The following ACADVL variants were observed in gnomAD, a reference collection of about 807,000 sequenced individuals.
ACADVL encodes the protein acyl-CoA dehydrogenase very long chain.
Under a neutral mutation model 80.4 loss-of-function variants are expected in ACADVL, and 73 were observed. The ratio of observed to expected loss-of-function variants is 0.91; its 90% CI spans 0.75 to 1.10. ACADVL has a LOEUF of 1.10. Among genes scored for constraint, ACADVL ranks in the 50% least tolerant of loss-of-function variants. The pLI is 0.00. For synonymous variants in ACADVL, 392 were observed against 326.5 expected, an observed-to-expected ratio of 1.20 and a Z score of -2.16; for missense variants, 878 against 858.9, an observed-to-expected ratio of 1.02 and a Z score of -0.28.
At position 7,225,146 on chromosome 17, in the gene ACADVL, A is replaced by G. The variant is rs369277243; in HGVS notation, c.*49A>G. On this transcript the variant is annotated 3_prime_UTR_variant, in exon 20 of 20. Coordinates refer to ENST00000356839, the MANE Select transcript of ACADVL (RefSeq NM_000018.4). The stretch of plus-strand genomic sequence containing the variant: ...CAGTTATGTGCCTTCCCTCAAGCCA[A>G]AGCCGAAGCCCCTTTCCTTAAGGCC... 2.1e-5 allele frequency: 34 copies of G among 1,612,672 alleles called. No individual in the cohort carries two copies. The Middle Eastern group carries it at 5.1e-4, about 24-fold the overall frequency.
upstream of ACADVL, chr17:7,218,336 T>A (rs867936823): frequency 6.4e-7 from 1 of 1,554,520 alleles, no homozygotes; most frequent in Middle Eastern, 1.7e-4. Context: ...TCCAGGCACA[T>A]CACCCCTGTC....
At chr17:7,222,435 T>C (rs1352724227) in intron 9 of ACADVL, 133 bp downstream of exon 9, 11 of 1,370,492 alleles carry the variant, frequency 8.0e-6, no homozygotes, top group Non-Finnish European at 1.1e-5. Flanking sequence ...CCTTTGGGAC[T>C]AATATGTATG....
chr17:7,221,612 C>A lies in ACADVL; in HGVS notation c.552C>A (p.Ile184=), dbSNP rs770961747. 3 of 1,614,082 alleles carry A rather than the reference C, an allele frequency of 1.9e-6. No homozygotes were observed. Among genetic ancestry groups the A allele is most frequent in the Non-Finnish European group, 2.5e-6 (3 of 1,180,032 alleles). The change falls in exon 7 of 20, where the codon ATC becomes ATA. Residue 184 remains isoleucine (I), a synonymous_variant. Coordinates refer to ENST00000356839, the MANE Select transcript of ACADVL (RefSeq NM_000018.4). ...TTACCCTGGGGGCCCATCAGAGCAT[C>A]GGTTTCAAAGGCATCCTGCTCTTTG... ...VGITLGAHQS[I]GFKGILLFGT... is the part of the protein sequence containing the mutation.
At position 7,222,744 on chromosome 17, in the gene ACADVL, C is replaced by A. The variant is rs149467828; in HGVS notation, c.956C>A (p.Ser319Ter). Reference protein sequence around the residue: ...EVFFDGVRVPSENVLGEVGSG... With the variant: ...EVFFDGVRVP ...TTCTTTGATGGAGTACGGGTGCCAT[C>A]GGAGAACGTGCTGGGTGAGGTTGGG... is the stretch of plus-strand genomic sequence containing the variant. Residue 319 changes from serine to a stop codon, truncating the protein, a stop_gained, in exon 10 of 20, where the codon TCG (serine) becomes TAG (stop). Coordinates refer to ENST00000356839, the MANE Select transcript of ACADVL (RefSeq NM_000018.4). LOFTEE classifies it high-confidence loss of function. 5 of 1,613,990 alleles carry A rather than the reference C, an allele frequency of 3.1e-6. No homozygotes were observed. The highest frequency in any genetic ancestry group is 2.7e-5 in the African/African-American group (2 of 74,892).
In ACADVL at chr17:7,224,893, C is replaced by T. The variant is rs372630480; in HGVS notation, c.1827+9C>T. The T allele has an allele frequency of 1.7e-5, 28 of 1,614,022 alleles. No homozygotes were observed. Among genetic ancestry groups the T allele is most frequent in the South Asian group, 1.3e-4 (12 of 91,084 alleles). ...ACACCTGGTGTATCGAGGTGAGACT[C>T]GGGGCTGCCAAGCTCAGGTGAGGGC... On this transcript the variant is annotated intron_variant, in intron 19 of 19. Transcript: ENST00000356839.
rs1453818885 is a variant in ACADVL at position 7,224,383 on chromosome 17, G to T, written c.1595G>T (p.Ser532Ile). The T allele has an allele frequency of 6.2e-7, 1 of 1,613,862 alleles. No homozygotes were observed. The highest frequency in any genetic ancestry group is 8.5e-7 in the Non-Finnish European group (1 of 1,179,912). The change falls in exon 16 of 20, where the codon AGT (serine) becomes ATT (isoleucine). Residue 532 changes from serine to isoleucine, a missense_variant. Coordinates refer to ENST00000356839, the MANE Select transcript of ACADVL (RefSeq NM_000018.4). ...SGLVHPELSR[S>I]GELAVRALEQ... ...CTTGTCCACCCGGAGTTGAGTCGGA[G>T]TGGCGAGCTGGTAAGTGGCCAGGGG...
chr17:7,218,601 G>A (rs769810773), upstream of ACADVL: 21 of 1,566,420 alleles, frequency 1.3e-5, no homozygotes, highest in Non-Finnish European at 1.6e-5. Context: ...GCCCACCGCA[G>A]CAGTGGGGGT....
At chr17:7,217,641 G>C, upstream of ACADVL, 1 of 1,348,922 alleles carries the variant, frequency 7.4e-7, no homozygotes, top group East Asian at 2.7e-5. Context: ...GAGGAAGCAG[G>C]GGGAGGGAGG....
At chr17:7,224,285 T>C (rs1233706353) in intron 15 of ACADVL, 36 bp from the exon 16 acceptor site, 3 of 1,613,508 alleles carry the variant, frequency 1.9e-6, no homozygotes, top group Admixed American at 3.3e-5. Flanking sequence ...GGGTGGTGTA[T>C]GGCAACTAAC....
At chr17:7,223,309 C>G (rs1340228066) in intron 11 of ACADVL, 72 bp downstream of exon 11, 3 of 1,385,122 alleles carry the variant, frequency 2.2e-6, no homozygotes, top group Non-Finnish European at 3.1e-6. Context: ...CTACAACCCC[C>G]AGCAGCACCT....
chr17:7,223,391 C>CG (rs758601621), intron 11 of ACADVL, 154 bp downstream of exon 11: 2 of 845,546 alleles, frequency 2.4e-6, no homozygotes, highest in Admixed American at 3.6e-5. Context: ...TCAGCTTCTG[C>CG]GAAGAGAGAC....
chr17:7,225,172 C>T lies in ACADVL; in HGVS notation c.*75C>T. Reference sequence around the variant, plus strand: ...AGCCGAAGCCCCTTTCCTTAAGGCCCTGGTTTGTCCCGAAGGGGCCTAGTG... The same window carrying T: ...AGCCGAAGCCCCTTTCCTTAAGGCCTTGGTTTGTCCCGAAGGGGCCTAGTG... On this transcript the variant is annotated 3_prime_UTR_variant, in exon 20 of 20. Coordinates refer to ENST00000356839, the MANE Select transcript of ACADVL (RefSeq NM_000018.4). The T allele has an allele frequency of 6.2e-7, 1 of 1,604,086 alleles. No individual in the cohort carries two copies. Among genetic ancestry groups the T allele is most frequent in the Non-Finnish European group, 8.5e-7 (1 of 1,175,158 alleles).
upstream of ACADVL, chr17:7,219,836 C>T (rs1415718969): frequency 4.6e-6 from 7 of 1,537,506 alleles, no homozygotes; most frequent in Non-Finnish European, 6.1e-6. Context: ...CAGGGAACTA[C>T]AGCTCCCAGC....
chr17:7,224,545 G>A lies in ACADVL; in HGVS notation c.1671G>A (p.Gly557=). ...CCAAGCTGATAAAACACAAGAAGGG[G>A]ATTGTCAGTAAGTGAGCTCTACACC... The part of the protein sequence containing the change: ...VEAKLIKHKK[G]IVNEQFLLQR... The change falls in exon 17 of 20, where the codon GGG becomes GGA. Residue 557 remains glycine, a synonymous_variant. Transcript: ENST00000356839. 2 of 1,608,054 alleles carry A rather than the reference G, an allele frequency of 1.2e-6. No homozygotes were observed. The highest frequency in any genetic ancestry group is 1.7e-6 in the Non-Finnish European group (2 of 1,178,426).
chr17:7,224,071 T>G lies in ACADVL; in HGVS notation c.1434+2T>G, dbSNP rs1555528804. 1 of 1,614,024 alleles carries G rather than the reference T, an allele frequency of 6.2e-7. No homozygotes were observed. Among genetic ancestry groups the G allele is most frequent in the Non-Finnish European group, 8.5e-7 (1 of 1,179,958 alleles). The stretch of plus-strand genomic sequence containing the variant: ...TTTGTGGCTCTGCAGGGCTGTATGG[T>G]AAGACAGAGAATTGGGTGGGGGTAG... On this transcript the variant is annotated splice_donor_variant, in intron 14 of 19. Coordinates refer to ENST00000356839, the MANE Select transcript of ACADVL (RefSeq NM_000018.4). LOFTEE classifies it high-confidence loss of function.
At position 7,223,860 on chromosome 17, in the gene ACADVL, T is replaced by A. The variant is rs2142985210; in HGVS notation, c.1317T>A (p.Gly439=). 1.2e-6 allele frequency: 2 copies of A among 1,613,276 alleles called. No homozygotes were observed. Among genetic ancestry groups the A allele is most frequent in the Non-Finnish European group, 1.7e-6 (2 of 1,179,840 alleles). The change falls in exon 13 of 20, where the codon GGT becomes GGA. Residue 439 remains glycine (G), a synonymous_variant. Coordinates refer to ENST00000356839, the MANE Select transcript of ACADVL (RefSeq NM_000018.4). ...VTDECIQIMG[G]MGFMKEPGVE... is the part of the protein sequence containing the mutation. ...ATGAATGCATCCAAATCATGGGGGG[T>A]ATGGGCTTCATGAAGGTACAGGACG...
chr17:7,218,985 G>A, upstream of ACADVL: 1 of 882,522 alleles, frequency 1.1e-6, no homozygotes, highest in Non-Finnish European at 1.8e-6. Context: ...AGGTCCCAAG[G>A]CACCAGCACC....
rs2071314177 is a variant in ACADVL at position 7,223,188 on chromosome 17, T to C, written c.1133T>C (p.Leu378Pro). 1 of 1,614,048 alleles carries C rather than the reference T, an allele frequency of 6.2e-7. No homozygotes were observed. The highest frequency in any genetic ancestry group is 1.3e-5 in the African/African-American group (1 of 74,944). Residue 378 changes from leucine (L) to proline (P), a missense_variant, in exon 11 of 20, where the codon CTG (leucine) becomes CCG (proline). By Grantham distance (98) the Leu-to-Pro change is moderately conservative. Coordinates refer to ENST00000356839, the MANE Select transcript of ACADVL (RefSeq NM_000018.4). Reference protein sequence around the residue: ...QFGEKIHNFGLIQEKLARMVM... With the variant: ...QFGEKIHNFGPIQEKLARMVM... ...GGGGAGAAAATTCACAACTTTGGGC[T>C]GATCCAGGAGAAGCTGGCACGGATG...
rs77763289 is a variant in ACADVL, at chr17:7,222,022, T to A, written c.693T>A (p.Ser231=). 1.3e-3 allele frequency: 2,053 copies of A among 1,614,146 alleles called. 27 individuals are homozygous for A. The African/African-American group carries it at 0.02, about 16-fold the overall frequency. ...SGSDAASIRT[S]AVPSPCGKYY... ...CAGATGCAGCCTCCATCCGAACCTC[T>A]GCTGTGCCCAGCCCCTGTGGAAAAT... Residue 231 remains serine, a synonymous_variant, in exon 8 of 20, where the codon TCT becomes TCA. Transcript: ENST00000356839.
Sources: allele counts gnomAD v4.1 joint callset, GRCh38; gene constraint gnomAD v4.1.1; transcripts MANE v1.5; gene names NCBI Gene and HGNC (gene_info 2026-07-23, HGNC 2026-07-21).